The following ADAM18 variants were observed in gnomAD, a reference collection of about 807,000 sequenced individuals.
ADAM18 encodes the protein disintegrin and metalloproteinase domain-containing protein 18.
A neutral mutation model predicts 94.4 loss-of-function variants in ADAM18; 117 were observed. The observed-to-expected ratio is 1.24, with a 90% CI of 1.07 to 1.45. The LOEUF is 1.45. ADAM18 is among the 40% of genes most tolerant of loss of function. The pLI is 0.00. For missense variants in ADAM18, 936 were observed against 880.0 expected (o/e 1.06, Z -0.81); for synonymous variants, 327 against 291.6 (o/e 1.12, Z -1.24).
chr8:39,640,119 C>T (rs182258407), intron 10 of ADAM18, among the ~76,000 whole-genome samples: 5 of 152,152 alleles, frequency 3.3e-5, no homozygotes, highest in East Asian at 3.9e-4. Flanking sequence ...ACATATCATT[C>T]CATCACATAG....
At chr8:39,593,527 G>T (rs548611975) in intron 2 of ADAM18, among the ~76,000 whole-genome samples, 1 of 151,910 alleles carries the variant, frequency 6.6e-6, no homozygotes, top group South Asian at 2.1e-4. Context: ...GTATGGTTTT[G>T]TCATAAAAAA....
In ADAM18 at chr8:39,723,918, T is replaced by A. The variant is rs2129581881; in HGVS notation, c.2177+11T>A. The stretch of plus-strand genomic sequence containing the variant: ...TGCAGAGTATAATCGGTAAATATGA[T>A]ATAGAATCAATGTATTAGGTTTAAT... On this transcript the variant is annotated intron_variant, in intron 19 of 19. Coordinates refer to ENST00000265707, the MANE Select transcript of ADAM18 (RefSeq NM_014237.3). 7.0e-7 allele frequency: 1 copy of A among 1,434,500 alleles called. No individual in the cohort carries two copies. Among genetic ancestry groups the A allele is most frequent in the South Asian group, 1.5e-5 (1 of 65,504 alleles). The allele number at this position is 1,434,500 out of a possible 1,614,324, so 88.9% of individuals were successfully genotyped here. A position where few individuals can be genotyped will look rare whatever the true frequency, so the allele number is the denominator to read the frequency against.
intron 6 of ADAM18, among the ~76,000 whole-genome samples, chr8:39,620,589 AAT>A (rs995737260): frequency 8.2e-5 from 12 of 147,120 alleles, no homozygotes; most frequent in East Asian, 1.9e-4. Context: ...TGTAATATAT[AAT>A]ATATATATTA....
At chr8:39,648,210 C>A in intron 11 of ADAM18, 134 bp from the exon 12 acceptor site, 1 of 559,356 alleles carries the variant, frequency 1.8e-6, no homozygotes, top group Non-Finnish European at 2.9e-6. Context: ...TTTAATTATC[C>A]TTGGTTGAAT....
At chr8:39,628,240 C>T (rs1264463904) in intron 6 of ADAM18, among the ~76,000 whole-genome samples, 1 of 151,600 alleles carries the variant, frequency 6.6e-6, no homozygotes, top group East Asian at 1.9e-4. Flanking sequence ...GTTTAAAAGA[C>T]CAAACTCACA....
chr8:39,699,020 C>T (rs1585992785), intron 17 of ADAM18, among the ~76,000 whole-genome samples: 1 of 152,142 alleles, frequency 6.6e-6, no homozygotes, highest in Non-Finnish European at 1.5e-5. Flanking sequence ...CTTCACAACT[C>T]CACTTTCCAA....
intron 18 of ADAM18, among the ~76,000 whole-genome samples, chr8:39,712,503 G>A (rs1322346948): frequency 2.0e-5 from 3 of 152,130 alleles, no homozygotes; most frequent in Non-Finnish European, 4.4e-5. Context: ...AAGTCAAATT[G>A]TCCCTGTTTG....
rs1283564239 is a variant in ADAM18 at position 39,676,618 on chromosome 8, C to T, written c.1526-813C>T. 9.2e-5 allele frequency among the ~76,000 whole-genome samples: 14 copies of T among 152,188 alleles called. 1 individual carries two copies. The East Asian group carries it at 1.4e-3, about 15-fold the overall frequency. On this transcript the variant is annotated intron_variant, in intron 14 of 19. Transcript: ENST00000265707. ...CTCTTCTTGGGCAGGGGCAACGCCC[C>T]GCCCTGCTTCAGCTCGCCTTCCATG...
At chr8:39,670,294 C>T (rs561713082) in intron 14 of ADAM18, among the ~76,000 whole-genome samples, 2 of 152,158 alleles carry the variant, frequency 1.3e-5, no homozygotes, top group South Asian at 4.2e-4. Flanking sequence ...CTAGGATCTC[C>T]AAAAAACTAG....
intron 14 of ADAM18, among the ~76,000 whole-genome samples, chr8:39,674,255 T>C (rs574910458): frequency 6.0e-4 from 92 of 152,184 alleles, no homozygotes; most frequent in African/African-American, 2.1e-3. Flanking sequence ...TGTGTGGGAG[T>C]CTAAGTCTCT....
chr8:39,680,236 T>C lies in ADAM18; in HGVS notation c.1821+10T>C. Reference sequence around the variant, plus strand: ...GTGTGGTCCAGAAATGGTAACAAAATGTGATAATTTATATTCAGCTGTGTT... The same window carrying C: ...GTGTGGTCCAGAAATGGTAACAAAACGTGATAATTTATATTCAGCTGTGTT... On this transcript the variant is annotated intron_variant, in intron 16 of 19. Coordinates refer to ENST00000265707, the MANE Select transcript of ADAM18 (RefSeq NM_014237.3). The C allele has an allele frequency of 6.2e-7, 1 of 1,604,614 alleles. No homozygotes were observed. The highest frequency in any genetic ancestry group is 8.5e-7 in the Non-Finnish European group (1 of 1,176,354).
At chr8:39,691,423 T>C (rs979297978) in intron 16 of ADAM18, among the ~76,000 whole-genome samples, 1 of 152,048 alleles carries the variant, frequency 6.6e-6, no homozygotes, top group East Asian at 1.9e-4. Flanking sequence ...GTGTTTCTTC[T>C]AAAACTAAAA....
chr8:39,659,875 C>G (rs371283256), intron 12 of ADAM18, among the ~76,000 whole-genome samples: 290 of 152,036 alleles, frequency 1.9e-3, no homozygotes, highest in African/African-American at 6.8e-3. Context: ...CGTGTATTCC[C>G]ACAACATAAT....
chr8:39,586,444 T>C (rs1436075239), intron 2 of ADAM18, among the ~76,000 whole-genome samples: 1 of 152,230 alleles, frequency 6.6e-6, no homozygotes, highest in Non-Finnish European at 1.5e-5. Context: ...TGAAGAATTA[T>C]TTGCATAAGT....
intron 7 of ADAM18, among the ~76,000 whole-genome samples, chr8:39,633,857 G>T (rs1443577246): frequency 1.3e-5 from 2 of 151,466 alleles, no homozygotes; most frequent in Non-Finnish European, 2.9e-5. Context: ...GGGGGATGGG[G>T]GGTTGGGGGA....
intron 12 of ADAM18, among the ~76,000 whole-genome samples, chr8:39,659,597 A>G (rs1237393115): frequency 6.6e-6 from 1 of 152,134 alleles, no homozygotes; most frequent in African/African-American, 2.4e-5. Context: ...TAGAATATGC[A>G]CCCTGAAATA....
intron 10 of ADAM18, among the ~76,000 whole-genome samples, chr8:39,639,989 G>C (rs1014586822): frequency 1.3e-5 from 2 of 152,036 alleles, no homozygotes; most frequent in Non-Finnish European, 2.9e-5. Flanking sequence ...TAAATTGTGT[G>C]AAAGTTATAT....
intron 19 of ADAM18, among the ~76,000 whole-genome samples, chr8:39,724,683 T>C (rs895733169): frequency 4.6e-5 from 7 of 151,926 alleles, no homozygotes; most frequent in African/African-American, 1.7e-4. Context: ...GTTTTTCTGA[T>C]ACAGGCATTT....
chr8:39,704,757 A>G (rs186290021), intron 17 of ADAM18, among the ~76,000 whole-genome samples: 2 of 152,188 alleles, frequency 1.3e-5, no homozygotes, highest in East Asian at 3.9e-4. Flanking sequence ...TTAAACCTCT[A>G]ACATTTGTGG....
Sources: allele counts gnomAD v4.1 joint callset (sites outside exome capture counted in the v4.1 genomes callset), GRCh38; gene constraint gnomAD v4.1.1; transcripts MANE v1.5; gene names NCBI Gene and HGNC (gene_info 2026-07-23, HGNC 2026-07-21).